The following PCDH10 variants were observed in gnomAD, a reference collection of about 807,000 sequenced individuals.
PCDH10 encodes the protein protocadherin 10.
Under a neutral mutation model 74.4 loss-of-function variants are expected in PCDH10, and 15 were observed. The ratio of observed to expected loss-of-function variants is 0.20; its 90% CI spans 0.13 to 0.31. The LOEUF (loss-of-function observed/expected upper bound fraction) is 0.31, where lower values mean the gene tolerates loss of function less well. PCDH10 is among the 10% of genes least tolerant of loss of function. The probability of loss-of-function intolerance (pLI) is 1.00; values close to 1 mark genes in which losing one functional copy is unlikely to be tolerated. For synonymous variants in PCDH10, 619 were observed against 589.8 expected (o/e 1.05, Z -0.72); for missense variants, 1,260 against 1,390.2 (o/e 0.91, Z 1.49).
In PCDH10 at chr4:133,192,588, C is replaced by G. The variant is rs951284134; in HGVS notation, c.*2428C>G. 20 of 151,548 alleles carry G rather than the reference C, an allele frequency of 1.3e-4. No homozygotes were observed. The highest frequency in any genetic ancestry group is 4.3e-4 in the African/African-American group (18 of 41,470). 9.4% of individuals were successfully genotyped at this position (151,548 alleles called of 1,614,324 possible). ...TATATATTTGTGTATTAGTTATTTT[C>G]ATATATCCTAGGAACTAGTTATACT... On this transcript the variant is annotated 3_prime_UTR_variant, in exon 5 of 5. Transcript: ENST00000264360.
chr4:133,170,283 TTA>T (rs1727176695), intron 4 of PCDH10, among the ~76,000 whole-genome samples: 1 of 152,142 alleles, frequency 6.6e-6, no homozygotes, highest in Non-Finnish European at 1.5e-5. Flanking sequence ...ATTCTTTCTC[TTA>T]GAGATACAGT....
intron 3 of PCDH10, among the ~76,000 whole-genome samples, chr4:133,158,491 T>C (rs1726907887): frequency 6.6e-6 from 1 of 152,160 alleles, no homozygotes; most frequent in African/African-American, 2.4e-5. Context: ...ATTTTTTCTT[T>C]CAGTTATAGG....
intron 3 of PCDH10, among the ~76,000 whole-genome samples, chr4:133,156,313 C>T (rs1726862443): frequency 6.6e-6 from 1 of 152,192 alleles, no homozygotes; most frequent in African/African-American, 2.4e-5. Context: ...GGAAAAAAGG[C>T]TGCTCAAGGG....
rs752374821 is a variant in PCDH10 at position 133,154,320 on chromosome 4, G to A, written c.2645G>A (p.Arg882Gln). The change falls in exon 2 of 5, where the codon CGA (arginine) becomes CAA (glutamine). Residue 882 changes from arginine to glutamine, a missense_variant. By Grantham distance (43) the Arg-to-Gln change is conservative. Around this residue, in one of 11 missense-constraint regions of PCDH10, gnomAD observed 587 missense variants for 616.9 expected, o/e 0.95. Transcript: ENST00000264360. ...TTTTTTTCCTAGACTAAACACCAGCGAGCAGAGCTCAGCTATCTAGTTGAC... is the reference window on the plus strand; with the variant it reads ...TTTTTTTCCTAGACTAAACACCAGCAAGCAGAGCTCAGCTATCTAGTTGAC... ...SILSNETKHQ[R>Q]AELSYLVDRP... The A allele has an allele frequency of 1.1e-5, 17 of 1,607,046 alleles. No homozygotes were observed. In the South Asian group the frequency reaches 1.1e-4, roughly 11 times the overall value.
At chr4:133,165,145 T>C (rs1415841997) in intron 4 of PCDH10, among the ~76,000 whole-genome samples, 1 of 150,326 alleles carries the variant, frequency 6.7e-6, no homozygotes, top group African/African-American at 2.4e-5. Flanking sequence ...TGTAGTTTTT[T>C]TCCCTAATCT....
rs557209683 is a variant in PCDH10, at chr4:133,169,150, C to T, written c.3103+5868C>T. ...CCCCATTCTTCCCCATCTGCAGTACCATCTTTCTTTTGTCTACTAGCAGCT... is the reference window on the plus strand; with the variant it reads ...CCCCATTCTTCCCCATCTGCAGTACTATCTTTCTTTTGTCTACTAGCAGCT... On this transcript the variant is annotated intron_variant, in intron 4 of 4. Coordinates refer to ENST00000264360, the MANE Select transcript of PCDH10 (RefSeq NM_032961.3). Among the ~76,000 whole-genome samples, 102 of 151,758 alleles carry T rather than the reference C, an allele frequency of 6.7e-4. No individual in the cohort carries two copies. The South Asian group carries it at 0.018, about 27-fold the overall frequency.
chr4:133,175,004 ACT>A (rs901532402), intron 4 of PCDH10, among the ~76,000 whole-genome samples: 6 of 151,570 alleles, frequency 4.0e-5, no homozygotes, highest in South Asian at 2.1e-4. Flanking sequence ...AATGTAAATC[ACT>A]CTCTTTGTAG....
intron 2 of PCDH10, among the ~76,000 whole-genome samples, chr4:133,200,122 T>C (rs928829186): frequency 6.6e-6 from 1 of 151,924 alleles, no homozygotes; most frequent in African/African-American, 2.4e-5. Flanking sequence ...TAATATAAAA[T>C]GGTACTATTC....
At chr4:133,183,164 T>C (rs2125871013) in intron 4 of PCDH10, among the ~76,000 whole-genome samples, 1 of 152,226 alleles carries the variant, frequency 6.6e-6, no homozygotes, top group Admixed American at 6.6e-5. Context: ...CACTCTTCAT[T>C]CATATAATTA....
chr4:133,152,939 G>T lies in PCDH10; in HGVS notation c.2631+168G>T, dbSNP rs1483533980. ...GTCACCTTCTCCCACTCCTTCGTGTGTAACCTAACTTTCGCGTTGTTCCAC... is the reference window on the plus strand; with the variant it reads ...GTCACCTTCTCCCACTCCTTCGTGTTTAACCTAACTTTCGCGTTGTTCCAC... On this transcript the variant is annotated intron_variant, in intron 1 of 4. Coordinates refer to ENST00000264360, the MANE Select transcript of PCDH10 (RefSeq NM_032961.3). The T allele has an allele frequency of 7.6e-6, 11 of 1,452,968 alleles. No individual in the cohort carries two copies. In the East Asian group the frequency reaches 2.2e-4, roughly 30 times the overall value. 90.0% of individuals were successfully genotyped at this position (1,452,968 alleles called of 1,614,324 possible).
At position 133,150,507 on chromosome 4, in the gene PCDH10, C is replaced by G; in HGVS notation, c.367C>G (p.Pro123Ala). 1 of 1,613,782 alleles carries G rather than the reference C, an allele frequency of 6.2e-7. No homozygotes were observed. Among genetic ancestry groups the G allele is most frequent in the Non-Finnish European group, 8.5e-7 (1 of 1,179,936 alleles). Reference protein sequence around the residue: ...LDINDNPPSFPEPDLTVEISE... With the variant: ...LDINDNPPSFAEPDLTVEISE... The stretch of plus-strand genomic sequence containing the variant: ...CATTAATGACAACCCCCCCTCTTTC[C>G]CGGAGCCAGACCTGACGGTGGAAAT... The change falls in exon 1 of 5, where the codon CCG becomes GCG. Residue 123 changes from proline to alanine, a missense_variant. Coordinates refer to ENST00000264360, the MANE Select transcript of PCDH10 (RefSeq NM_032961.3).
chr4:133,162,930 T>G (rs1726998632), intron 3 of PCDH10, 47 bp from the exon 4 acceptor site: 1 of 1,479,396 alleles, frequency 6.8e-7, no homozygotes, highest in African/African-American at 1.4e-5. Context: ...AAGTAACTGG[T>G]CATGTTGGTG....
chr4:133,151,224 A>G lies in PCDH10; in HGVS notation c.1084A>G (p.Thr362Ala). ...NDNAPEISFS[T>A]VKEAVSEGAA... is the part of the protein sequence containing the mutation. Reference sequence around the variant, plus strand: ...CAACGCGCCAGAGATCAGCTTCAGCACCGTGAAGGAAGCGGTGAGTGAGGG... The same window carrying G: ...CAACGCGCCAGAGATCAGCTTCAGCGCCGTGAAGGAAGCGGTGAGTGAGGG... The change falls in exon 1 of 5, where the codon ACC becomes GCC. Residue 362 changes from threonine (T) to alanine (A), a missense_variant. Physicochemically the swap from Thr to Ala is moderately conservative, Grantham distance 58. Transcript: ENST00000264360. 6 of 1,613,992 alleles carry G rather than the reference A, an allele frequency of 3.7e-6. No homozygotes were observed. Among genetic ancestry groups the G allele is most frequent in the East Asian group, 2.2e-5 (1 of 44,832 alleles).
intron 4 of PCDH10, among the ~76,000 whole-genome samples, chr4:133,172,280 T>G (rs1727218428): frequency 6.6e-6 from 1 of 152,002 alleles, no homozygotes; most frequent in South Asian, 2.1e-4. Flanking sequence ...GCAATATTTC[T>G]TCTTAAAAAT....
At chr4:133,168,472 A>G (rs1360065100) in intron 4 of PCDH10, among the ~76,000 whole-genome samples, 1 of 151,492 alleles carries the variant, frequency 6.6e-6, no homozygotes, top group Non-Finnish European at 1.5e-5. Flanking sequence ...ATTATCTGTA[A>G]TATTTAAAAG....
chr4:133,202,926 G>A (rs959818757), intron 2 of PCDH10, among the ~76,000 whole-genome samples: 2 of 152,162 alleles, frequency 1.3e-5, no homozygotes, highest in African/African-American at 4.8e-5. Context: ...AGAAGGGGCT[G>A]AGGAGAGGTG....
Position 133,150,548 on chromosome 4 carries a change from G to T in PCDH10, c.408G>T (p.Thr136=), listed in dbSNP as rs778863277. Residue 136 remains threonine, a synonymous_variant, in exon 1 of 5, where the codon ACG becomes ACT. Coordinates refer to ENST00000264360, the MANE Select transcript of PCDH10 (RefSeq NM_032961.3). ...DLTVEISESA[T]PGTRFPLESA... ...CGGTGGAAATCTCTGAGAGCGCCAC[G>T]CCAGGCACTCGCTTCCCCTTGGAGA... is the stretch of plus-strand genomic sequence containing the variant. 2.5e-6 allele frequency: 4 copies of T among 1,613,654 alleles called. No individual in the cohort carries two copies. In the South Asian group the frequency reaches 3.3e-5, roughly 13 times the overall value.
Position 133,202,254 on chromosome 4 carries a change from G to A in PCDH10, n.438-5822G>A, listed in dbSNP as rs2125877972. Among the ~76,000 whole-genome samples, 2 of 152,286 alleles carry A rather than the reference G, an allele frequency of 1.3e-5. 1 individual carries two copies. The highest frequency in any genetic ancestry group is 4.1e-4 in the South Asian group (2 of 4,828). ...TGGCATTATTGCAGAGAATACAGAT[G>A]TGGATTTAAACTAATCTATACCTAT... On this transcript the variant is annotated intron_variant and non_coding_transcript_variant, in intron 2 of 2. Coordinates refer to the PCDH10 transcript ENST00000511112.
chr4:133,154,827 A>C, intron 2 of PCDH10, 90 bp from the exon 3 acceptor site: 2 of 881,856 alleles, frequency 2.3e-6, no homozygotes, highest in Non-Finnish European at 3.8e-6. Context: ...GTGAGTCTGC[A>C]GCACCATCTG....
Sources: gnomAD v4.1 joint callset for allele counts (sites outside exome capture counted in the v4.1 genomes callset) on GRCh38, gnomAD v4.1.1 for gene constraint, gnomAD v4.1.1 regional missense constraint, MANE v1.5 for transcripts, NCBI Gene and HGNC (gene_info 2026-07-23, HGNC 2026-07-21) for gene names.